Variants in RAD50 observed in about 807,000 individuals in gnomAD.
RAD50 encodes the protein DNA repair protein RAD50.
A neutral mutation model predicts 168.8 loss-of-function variants in RAD50; 132 were observed. That is an observed-to-expected ratio of 0.78 (90% CI 0.68 to 0.90). The LOEUF is 0.90. RAD50 is among the 40% of genes least tolerant of loss of function. RAD50 has a pLI of 0.00. For synonymous variants in RAD50, 525 were observed against 497.4 expected (o/e 1.06, Z -0.74); for missense variants, 1,347 against 1,534.4 (o/e 0.88, Z 2.04).
chr5:132,604,425 C>T (rs1230434503), intron 15 of RAD50, among the ~76,000 whole-genome samples: 6 of 152,040 alleles, frequency 3.9e-5, no homozygotes, highest in African/African-American at 1.4e-4. Context: ...ATCACTATGC[C>T]CAGCTAATTT....
rs1258277475 is a variant in RAD50, at chr5:132,644,303, C to T, written c.*1939C>T. On this transcript the variant is annotated 3_prime_UTR_variant, in exon 25 of 25. Coordinates refer to ENST00000378823, the MANE Select transcript of RAD50 (RefSeq NM_005732.4). ...GGAGGTGGGATAGGTGCCTTTCTGG[C>T]TTCTCATTGCTGCTTCTAGATCAGT... 5.8e-6 allele frequency: 1 copy of T among 172,180 alleles called. No homozygotes were observed. The highest frequency in any genetic ancestry group is 1.3e-5 in the Non-Finnish European group (1 of 79,542). The allele number at this position is 172,180 out of a possible 1,614,324, so 10.7% of individuals were successfully genotyped here.
chr5:132,559,291 T>A lies in RAD50; in HGVS notation c.137T>A (p.Ile46Asn), dbSNP rs587780149. The change falls in exon 2 of 25, where the codon ATT becomes AAT. Residue 46 changes from isoleucine to asparagine, a missense_variant. Physicochemically the swap from Ile to Asn is moderately radical, Grantham distance 149 (BLOSUM62 -3). Coordinates refer to ENST00000378823, the MANE Select transcript of RAD50 (RefSeq NM_005732.4). Reference protein sequence around the residue: ...GPNGAGKTTIIECLKYICTGD... With the variant: ...GPNGAGKTTINECLKYICTGD... ...AATTTTCTATTTCTTTAGACCATCA[T>A]TGAATGTCTAAAATATATTTGTACT... The A allele has an allele frequency of 3.7e-6, 6 of 1,603,254 alleles. No individual in the cohort carries two copies. Among genetic ancestry groups the A allele is most frequent in the Non-Finnish European group, 5.1e-6 (6 of 1,175,154 alleles).
intron 3 of RAD50, among the ~76,000 whole-genome samples, chr5:132,577,802 ATTTTTTTTTTTTTTT>A (rs923754085): frequency 1.2e-5 from 1 of 84,380 alleles, no homozygotes; most frequent in Non-Finnish European, 2.2e-5. Flanking sequence ...CCCATTTCTG[ATTTTTTTTTTTTTTT>A]TTTTTTTTTT....
chr5:132,557,101 C>T lies in RAD50; in HGVS notation c.-224C>T, dbSNP rs923661545. The T allele has an allele frequency of 3.0e-5, 21 of 696,848 alleles. No individual in the cohort carries two copies. The highest frequency in any genetic ancestry group is 4.1e-4 in the Middle Eastern group (1 of 2,448). 43.2% of individuals were successfully genotyped at this position (696,848 alleles called of 1,614,324 possible). A position where few individuals can be genotyped will look rare whatever the true frequency, so the allele number is the denominator to read the frequency against. ...TGGTCCCCGCCTCCGCTCTCCCCAC[C>T]GGCGGGGAAAGCAGCTGGTGTGGGA... On this transcript the variant is annotated 5_prime_UTR_variant, in exon 1 of 25. Coordinates refer to ENST00000378823, the MANE Select transcript of RAD50 (RefSeq NM_005732.4).
chr5:132,609,010 A>C (rs988059381), intron 17 of RAD50, 107 bp from the exon 18 acceptor site: 1 of 1,485,752 alleles, frequency 6.7e-7, no homozygotes, highest in Non-Finnish European at 9.1e-7. Context: ...GTAGTGGTGG[A>C]AACTGGAACC....
At chr5:132,633,617 C>T (rs906983618) in intron 21 of RAD50, among the ~76,000 whole-genome samples, 3 of 151,652 alleles carry the variant, frequency 2.0e-5, no homozygotes, top group Non-Finnish European at 2.9e-5. Context: ...ACTCTGTCAC[C>T]GAGGCTGGAG....
intron 11 of RAD50, 122 bp downstream of exon 11, chr5:132,592,156 A>G (rs1305156003): frequency 2.9e-6 from 3 of 1,042,848 alleles, no homozygotes; most frequent in Middle Eastern, 2.9e-4. Context: ...TAGTTCTTAC[A>G]TACAAGGAGA....
chr5:132,584,117 G>T (rs1216645528), intron 5 of RAD50, among the ~76,000 whole-genome samples: 1 of 152,062 alleles, frequency 6.6e-6, no homozygotes, highest in African/African-American at 2.4e-5. Context: ...CTAGTTTACA[G>T]TCCCTCCAAC....
At chr5:132,577,699 C>G (rs1337903979) in intron 3 of RAD50, among the ~76,000 whole-genome samples, 1 of 151,718 alleles carries the variant, frequency 6.6e-6, no homozygotes. Flanking sequence ...ATCCATTGCT[C>G]AAACTACTCT....
intron 2 of RAD50, among the ~76,000 whole-genome samples, chr5:132,560,204 C>T (rs568715951): frequency 4.6e-5 from 7 of 152,224 alleles, no homozygotes; most frequent in East Asian, 3.9e-4. Flanking sequence ...ACCATGTCTA[C>T]GTGAGCACAT....
At chr5:132,558,527 G>T (rs1477531299) in intron 1 of RAD50, among the ~76,000 whole-genome samples, 1 of 151,732 alleles carries the variant, frequency 6.6e-6, no homozygotes, top group African/African-American at 2.4e-5. Flanking sequence ...CCTGGCCAAC[G>T]TGGCGAAACC....
At chr5:132,637,601 C>G (rs1224643984) in intron 22 of RAD50, among the ~76,000 whole-genome samples, 1 of 151,656 alleles carries the variant, frequency 6.6e-6, no homozygotes. Flanking sequence ...GCAATCTTGG[C>G]TCACTGCAAC....
intron 11 of RAD50, chr5:132,593,148 T>C (rs1750733816): frequency 4.6e-6 from 1 of 216,698 alleles, no homozygotes; most frequent in Admixed American, 4.7e-5. Context: ...GCTGATTTGT[T>C]TGGGGCATTG....
intron 2 of RAD50, among the ~76,000 whole-genome samples, chr5:132,575,203 G>A (rs369341363): frequency 6.6e-6 from 1 of 152,082 alleles, no homozygotes; most frequent in African/African-American, 2.4e-5. Flanking sequence ...CACCTGGCTT[G>A]GGAGGCCTCA....
intron 21 of RAD50, among the ~76,000 whole-genome samples, chr5:132,623,681 A>G (rs1391339239): frequency 3.3e-5 from 5 of 152,170 alleles, no homozygotes; most frequent in African/African-American, 1.2e-4. Flanking sequence ...TGGCAGGAGA[A>G]TTATTACTTA....
chr5:132,559,894 A>G (rs1341690316), intron 2 of RAD50, among the ~76,000 whole-genome samples: 1 of 152,178 alleles, frequency 6.6e-6, no homozygotes, highest in African/African-American at 2.4e-5. Flanking sequence ...CCTGGACAAT[A>G]TAGTGAGACC....
intron 2 of RAD50, among the ~76,000 whole-genome samples, chr5:132,568,873 TGTAAATTAGTCCTAGA>T (rs1289806401): frequency 1.3e-5 from 2 of 152,244 alleles, no homozygotes; most frequent in East Asian, 3.8e-4. Flanking sequence ...CGAAAATGAT[TGTAAATTAGTCCTAGA>T]GTAAAAGCTG....
At chr5:132,636,518 T>C (rs1316233118) in intron 21 of RAD50, among the ~76,000 whole-genome samples, 2 of 152,220 alleles carry the variant, frequency 1.3e-5, no homozygotes, top group East Asian at 3.8e-4. Context: ...TCATTCTCGC[T>C]GAACCAAAGC....
intron 21 of RAD50, among the ~76,000 whole-genome samples, chr5:132,619,905 T>G (rs10479009): frequency 0.3 from 38,269 of 126,290 alleles, 6,417 homozygotes; most frequent in African/African-American, 0.52. Context: ...GAGAGAGAGA[T>G]ATATCTTTTT....
Sources: allele counts gnomAD v4.1 joint callset (sites outside exome capture counted in the v4.1 genomes callset), GRCh38; gene constraint gnomAD v4.1.1; transcripts MANE v1.5; gene names NCBI Gene and HGNC (gene_info 2026-07-23, HGNC 2026-07-21).